The following ZNF676 variants were observed in gnomAD, a reference collection of about 807,000 sequenced individuals.
ZNF676 encodes the protein zinc finger protein 676.
A neutral mutation model predicts 6.0 loss-of-function variants in ZNF676; 4 were observed. The ratio of observed to expected loss-of-function variants is 0.67; its 90% confidence interval spans 0.33 to 1.53. The LOEUF (loss-of-function observed/expected upper bound fraction) is 1.53. Among genes scored for constraint, ZNF676 ranks in the 40% most tolerant of loss-of-function variants. The pLI is 0.06. For missense variants in ZNF676, 644 were observed against 679.7 expected (o/e 0.95, Z 0.58); for synonymous variants, 198 against 223.1 (o/e 0.89, Z 1.00).
At chr19:22,235,095 AGAAGGAAGTC>A in the ZNF676 span, among the ~76,000 whole-genome samples, 26 of 136,054 alleles carry the variant, frequency 1.9e-4, no homozygotes, top group African/African-American at 7.7e-4. Flanking sequence ...GAAGGCAGGA[AGAAGGAAGTC>A]AGGAAGGCAG....
chr19:22,257,663 C>A, the ZNF676 span, among the ~76,000 whole-genome samples: 2 of 152,132 alleles, frequency 1.3e-5, no homozygotes, highest in South Asian at 4.1e-4. Flanking sequence ...GTCACATAAC[C>A]TAGGTGCTGG....
Position 22,179,653 on chromosome 19 carries a change from G to GGAACAGTTT in ZNF676, c.*296_*297insAAACTGTTC. ...TCCAGTATGAATTCTTTTATGAGTA[G>GGAACAGTTT]TAAGGTGTGAGGAACAGTTGAAGTC... On this transcript the variant is annotated 3_prime_UTR_variant, in exon 3 of 3. Transcript: ENST00000397121. The GGAACAGTTT allele has an allele frequency of 1.7e-6, 1 of 583,394 alleles. No individual in the cohort carries two copies. Among genetic ancestry groups the GGAACAGTTT allele is most frequent in the East Asian group, 3.3e-5 (1 of 30,032 alleles). 36.1% of individuals were successfully genotyped at this position (583,394 alleles called of 1,614,324 possible). A position where few individuals can be genotyped will look rare whatever the true frequency, so the allele number is the denominator to read the frequency against.
intron 2 of ZNF676, among the ~76,000 whole-genome samples, chr19:22,182,593 A>AACAAAAAAAAAAAAC (rs1555773388): frequency 1.1e-5 from 1 of 90,930 alleles, no homozygotes; most frequent in Non-Finnish European, 2.1e-5. Flanking sequence ...TCTAAAAAAA[A>AACAAAAAAAAAAAAC]AAAAAAAAAG....
the ZNF676 span, among the ~76,000 whole-genome samples, chr19:22,257,506 G>GA: frequency 6.6e-6 from 1 of 152,130 alleles, no homozygotes; most frequent in African/African-American, 2.4e-5. Context: ...CAGAAAATGT[G>GA]ATTCACATCA....
At chr19:22,249,431 A>C in the ZNF676 span, among the ~76,000 whole-genome samples, 2 of 152,032 alleles carry the variant, frequency 1.3e-5, no homozygotes, top group Admixed American at 6.6e-5. Flanking sequence ...TTTGTTTTTG[A>C]GACAGAGTTT....
At chr19:22,250,966 T>C in the ZNF676 span, among the ~76,000 whole-genome samples, 8 of 152,116 alleles carry the variant, frequency 5.3e-5, no homozygotes, top group Admixed American at 6.6e-5. Context: ...CTCACCTTGG[T>C]CTCCCATAGT....
chr19:22,217,347 G>A (rs551397328), upstream of ZNF676, among the ~76,000 whole-genome samples: 2 of 152,216 alleles, frequency 1.3e-5, no homozygotes, highest in Admixed American at 6.5e-5. Flanking sequence ...GGGATTATAG[G>A]CATGTGCCAC....
chr19:22,255,962 A>G, the ZNF676 span, among the ~76,000 whole-genome samples: 2 of 152,142 alleles, frequency 1.3e-5, no homozygotes, highest in Non-Finnish European at 2.9e-5. Context: ...TGTGGGATTC[A>G]CAATTGCAGT....
chr19:22,226,601 T>A, the ZNF676 span, among the ~76,000 whole-genome samples: 1 of 150,636 alleles, frequency 6.6e-6, no homozygotes, highest in Non-Finnish European at 1.5e-5. Context: ...GATCTTGCTT[T>A]TTTTTTTTCC....
At chr19:22,207,587 A>G (rs1337416455) in intron 1 of ZNF676, among the ~76,000 whole-genome samples, 2 of 152,230 alleles carry the variant, frequency 1.3e-5, no homozygotes, top group South Asian at 2.1e-4. Flanking sequence ...AGAACTAAAA[A>G]AACAACTATT....
rs139534031 is a variant in ZNF676 at position 22,185,196 on chromosome 19, CA to C, written c.131-3611del. On this transcript the variant is annotated intron_variant, in intron 2 of 2. Transcript: ENST00000397121. The stretch of plus-strand genomic sequence containing the variant: ...ACAGGCAGCAATCTTTGTTATTCTG[CA>C]GCCTCTGCTGGTGATACCCAGGAAA... Among the ~76,000 whole-genome samples, 684 of 152,302 alleles carry C rather than the reference CA, an allele frequency of 4.5e-3. 5 individuals are homozygous for C. The highest frequency in any genetic ancestry group is 0.016 in the African/African-American group (654 of 41,558).
the ZNF676 span, among the ~76,000 whole-genome samples, chr19:22,229,851 T>C: frequency 1.1e-3 from 166 of 151,994 alleles, 1 homozygote; most frequent in African/African-American, 3.4e-3. Context: ...GAAAACAACA[T>C]ATGCTGGGGA....
At chr19:22,185,737 C>T (rs1194276342) in intron 2 of ZNF676, among the ~76,000 whole-genome samples, 1 of 151,998 alleles carries the variant, frequency 6.6e-6, no homozygotes, top group Non-Finnish European at 1.5e-5. Flanking sequence ...GTGAAGCATG[C>T]ATAAGTATCA....
the ZNF676 span, among the ~76,000 whole-genome samples, chr19:22,255,970 A>G: frequency 6.4e-4 from 98 of 152,276 alleles, no homozygotes; most frequent in African/African-American, 1.9e-3. Flanking sequence ...TCACAATTGC[A>G]GTCTGTCCAC....
the ZNF676 span, among the ~76,000 whole-genome samples, chr19:22,258,985 G>A: frequency 1.6e-4 from 24 of 152,146 alleles, no homozygotes; most frequent in East Asian, 7.7e-4. Context: ...TGTCCTGCAC[G>A]CTGGGTGTCC....
chr19:22,181,046 G>A lies in ZNF676; in HGVS notation c.671C>T (p.Pro224Leu). The A allele has an allele frequency of 6.4e-7, 1 of 1,570,358 alleles. No individual in the cohort carries two copies. Among genetic ancestry groups the A allele is most frequent in the Non-Finnish European group, 8.7e-7 (1 of 1,151,370 alleles). ...TTTGCCACATTCTTCACATTTGTAG[G>A]GTTTCTCTCCAGTATGAATTACCTT... is the stretch of plus-strand genomic sequence containing the variant. ...KHKVIHTGEKPYKCEECGKAF... is the reference protein window; with the variant it reads ...KHKVIHTGEKLYKCEECGKAF... Residue 224 changes from proline to leucine, a missense_variant, in exon 3 of 3, where the codon CCC becomes CTC. Pro to Leu is a moderately conservative substitution (Grantham distance 98). Transcript: ENST00000397121.
Position 22,179,156 on chromosome 19 carries a change from G to A in ZNF676, c.*794C>T. The A allele has an allele frequency of 6.3e-6, 1 of 158,350 alleles. No homozygotes were observed. The allele number at this position is 158,350 out of a possible 1,614,324, so 9.8% of individuals were successfully genotyped here. A position where few individuals can be genotyped will look rare whatever the true frequency, so the allele number is the denominator to read the frequency against. On this transcript the variant is annotated 3_prime_UTR_variant, in exon 3 of 3. Transcript: ENST00000397121. ...TATATTATCTTACCTACAATCAAGT[G>A]TGACAGCCATTTAAAGGCTTTGTCA...
the ZNF676 span, among the ~76,000 whole-genome samples, chr19:22,255,879 A>T: frequency 6.6e-6 from 1 of 150,750 alleles, no homozygotes; most frequent in East Asian, 1.9e-4. Flanking sequence ...AAAAAAAAAT[A>T]GTTTTGCTAT....
At position 22,212,571 on chromosome 19, in the gene ZNF676, G is replaced by A. The variant is rs148755101; in HGVS notation, c.3+3061C>T. ...AATACAAAAAGTAGCCAGGTGTGGT[G>A]GTGGGCACCTGTAGTCCCAGCTGCT... On this transcript the variant is annotated intron_variant, in intron 1 of 3. Coordinates refer to the ZNF676 transcript ENST00000650058. Among the ~76,000 whole-genome samples the A allele has an allele frequency of 9.0e-4, 137 of 152,148 alleles. 2 individuals carry two copies. In the East Asian group the frequency reaches 0.025, roughly 28 times the overall value.
Sources: gnomAD v4.1 joint callset for allele counts (sites outside exome capture counted in the v4.1 genomes callset) on GRCh38, gnomAD v4.1.1 for gene constraint, MANE v1.5 for transcripts, NCBI Gene and HGNC (gene_info 2026-07-23, HGNC 2026-07-21) for gene names.